CSTF1: variants seen among roughly 807,000 people sequenced by gnomAD.
CSTF1 encodes cleavage stimulation factor subunit 1.
Under a neutral mutation model 40.9 loss-of-function variants are expected in CSTF1, and 2 were observed. The ratio of observed to expected loss-of-function variants is 0.05; its 90% CI spans 0.02 to 0.15. The LOEUF (loss-of-function observed/expected upper bound fraction) is 0.15. CSTF1 is among the 10% of genes least tolerant of loss of function. The pLI is 1.00. For synonymous variants in CSTF1, 218 were observed against 207.2 expected (o/e 1.05, Z -0.45); for missense variants, 279 against 558.9 (o/e 0.50, Z 5.05).
At chr20:56,403,354 T>C (rs996107698) in intron 5 of CSTF1, 114 bp from the exon 6 acceptor site, 12 of 1,214,490 alleles carry the variant, frequency 9.9e-6, no homozygotes, top group African/African-American at 1.5e-5. Context: ...TTTCTGAAAG[T>C]GTACAAGGTG....
chr20:56,402,586 G>T (rs566346568), intron 5 of CSTF1, among the ~76,000 whole-genome samples: 1 of 152,188 alleles, frequency 6.6e-6, no homozygotes, highest in Admixed American at 6.5e-5. Context: ...CTGTACAAAG[G>T]ATGTTCATTA....
intron 2 of CSTF1, among the ~76,000 whole-genome samples, chr20:56,396,468 C>A (rs1420915127): frequency 6.6e-6 from 1 of 152,082 alleles, no homozygotes; most frequent in Admixed American, 6.6e-5. Flanking sequence ...ATTTATTAGC[C>A]AAGATACACT....
chr20:56,406,065 A>G lies in CSTF1; in HGVS notation c.*2338A>G, dbSNP rs1299658407. On this transcript the variant is annotated 3_prime_UTR_variant, in exon 6 of 6. Transcript: ENST00000217109. ...TTCAGGACCTGTTTTTAAAAGATCAAGATACTTTTATGTGTTTCAGAAGTA... is the reference window on the plus strand; with the variant it reads ...TTCAGGACCTGTTTTTAAAAGATCAGGATACTTTTATGTGTTTCAGAAGTA... 2.0e-5 allele frequency: 3 copies of G among 152,332 alleles called. No individual in the cohort carries two copies. The highest frequency in any genetic ancestry group is 3.9e-4 in the East Asian group (2 of 5,192). The allele number at this position is 152,332 out of a possible 1,614,324, so 9.4% of individuals were successfully genotyped here. A position where few individuals can be genotyped will look rare whatever the true frequency, so the allele number is the denominator to read the frequency against.
chr20:56,401,139 TAAA>T (rs1051318258), intron 5 of CSTF1, among the ~76,000 whole-genome samples: 3 of 151,946 alleles, frequency 2.0e-5, no homozygotes, highest in Non-Finnish European at 4.4e-5. Context: ...TGCAAAAAAT[TAAA>T]AACAATATAA....
Position 56,397,277 on chromosome 20 carries a change from G to T in CSTF1, c.240G>T (p.Gly80=). ...GRSDTVAPGT[G]IDLEFDADVQ... ...CAGATACTGTTGCCCCTGGCACAGG[G>T]ATTGACCTGGAATTTGATGCAGATG... Residue 80 remains glycine, a synonymous_variant, in exon 3 of 6, where the codon GGG becomes GGT. Coordinates refer to ENST00000217109, the MANE Select transcript of CSTF1 (RefSeq NM_001324.3). The surrounding 1 kb of genome is among the most constrained non-coding windows in gnomAD (Gnocchi z 4.4). 1.2e-6 allele frequency: 2 copies of T among 1,614,232 alleles called. No individual in the cohort carries two copies. The highest frequency in any genetic ancestry group is 1.7e-6 in the Non-Finnish European group (2 of 1,180,040).
In CSTF1 at chr20:56,399,476, C is replaced by A; in HGVS notation, c.1036+119C>A. On this transcript the variant is annotated intron_variant, in intron 5 of 5. Transcript: ENST00000217109. The surrounding 1 kb of genome is among the most constrained non-coding windows in gnomAD (Gnocchi z 4.6). ...TATGCATTGAGCAAGGCAGATGTTA[C>A]CCTTTCTTAGATAAGAGGAAACCAA... The A allele has an allele frequency of 2.1e-6, 2 of 939,064 alleles. No homozygotes were observed. Among genetic ancestry groups the A allele is most frequent in the South Asian group, 1.7e-5 (1 of 59,120 alleles). 58.2% of individuals were successfully genotyped at this position (939,064 alleles called of 1,614,324 possible).
rs1987539650 is a variant in CSTF1 at position 56,397,134 on chromosome 20, TC to T, written c.170-72del. Reference sequence around the variant, plus strand: ...CTGGTGAGCATCTTTCCAGTTTGGATCTAGAATTTTATCTTGGCCTTTTTAA... The same window carrying T: ...CTGGTGAGCATCTTTCCAGTTTGGATTAGAATTTTATCTTGGCCTTTTTAA... On this transcript the variant is annotated intron_variant, in intron 2 of 5. Coordinates refer to ENST00000217109, the MANE Select transcript of CSTF1 (RefSeq NM_001324.3). The surrounding 1 kb of genome is among the most constrained non-coding windows in gnomAD (Gnocchi z 4.4). The T allele has an allele frequency of 6.7e-7, 1 of 1,498,784 alleles. No homozygotes were observed. Among genetic ancestry groups the T allele is most frequent in the African/African-American group, 1.4e-5 (1 of 71,840 alleles). 92.8% of individuals were successfully genotyped at this position (1,498,784 alleles called of 1,614,324 possible).
At position 56,406,043 on chromosome 20, in the gene CSTF1, A is replaced by G. The variant is rs1978691430; in HGVS notation, c.*2316A>G. 1 of 152,216 alleles carries G rather than the reference A, an allele frequency of 6.6e-6. No homozygotes were observed. The highest frequency in any genetic ancestry group is 2.4e-5 in the African/African-American group (1 of 41,460). The allele number at this position is 152,216 out of a possible 1,614,324, so 9.4% of individuals were successfully genotyped here. A position where few individuals can be genotyped will look rare whatever the true frequency, so the allele number is the denominator to read the frequency against. On this transcript the variant is annotated 3_prime_UTR_variant, in exon 6 of 6. Transcript: ENST00000217109. ...GTCTCAGCAATGGATCTGTAGTTTC[A>G]GGACCTGTTTTTAAAAGATCAAGAT...
Position 56,403,755 on chromosome 20 carries a change from G to T in CSTF1, c.*28G>T. On this transcript the variant is annotated 3_prime_UTR_variant, in exon 6 of 6. Transcript: ENST00000217109. ...CACCCTCTCCGTAGGGTTCTTTCTCGAGGACTCTACCCTCCTCCCCCACGT... is the reference window on the plus strand; with the variant it reads ...CACCCTCTCCGTAGGGTTCTTTCTCTAGGACTCTACCCTCCTCCCCCACGT... The T allele has an allele frequency of 6.3e-7, 1 of 1,589,834 alleles. No homozygotes were observed.
chr20:56,398,870 T>C (rs1569117047), intron 4 of CSTF1, 97 bp from the exon 5 acceptor site: 2 of 1,173,510 alleles, frequency 1.7e-6, no homozygotes, highest in Non-Finnish European at 2.4e-6. Context: ...AATAATTGTT[T>C]TATAGATTCT....
At position 56,397,980 on chromosome 20, in the gene CSTF1, G is replaced by C. The variant is rs1015096617; in HGVS notation, c.645+139G>C. On this transcript the variant is annotated intron_variant, in intron 4 of 5. Coordinates refer to ENST00000217109, the MANE Select transcript of CSTF1 (RefSeq NM_001324.3). The surrounding 1 kb of genome is among the most constrained non-coding windows in gnomAD (Gnocchi z 4.4). ...CCAGGATGCATGCCCGATGGCACAT[G>C]GATCAGATTTTGTTGGCACATAGAT... 3 of 685,698 alleles carry C rather than the reference G, an allele frequency of 4.4e-6. No individual in the cohort carries two copies. The highest frequency in any genetic ancestry group is 4.1e-4 in the Middle Eastern group (1 of 2,464). 42.5% of individuals were successfully genotyped at this position (685,698 alleles called of 1,614,324 possible). A position where few individuals can be genotyped will look rare whatever the true frequency, so the allele number is the denominator to read the frequency against.
In CSTF1 at chr20:56,395,645, C is replaced by T; in HGVS notation, c.93C>T (p.Ala31=). ...QLLYDGYISI[A]NGLINEIKPQ... is the part of the protein sequence containing the mutation. The stretch of plus-strand genomic sequence containing the variant: ...TATATGACGGCTACATCAGCATCGC[C>T]AATGGCCTCATCAATGAAATCAAGC... Residue 31 remains alanine, a synonymous_variant, in exon 2 of 6, where the codon GCC becomes GCT. Coordinates refer to ENST00000217109, the MANE Select transcript of CSTF1 (RefSeq NM_001324.3). 1 of 1,614,198 alleles carries T rather than the reference C, an allele frequency of 6.2e-7. No homozygotes were observed. The highest frequency in any genetic ancestry group is 2.2e-5 in the East Asian group (1 of 44,894).
intron 4 of CSTF1, 31 bp from the exon 5 acceptor site, chr20:56,398,936 G>A (rs1978339117): frequency 1.3e-6 from 2 of 1,541,588 alleles, no homozygotes; most frequent in Non-Finnish European, 1.7e-6. Context: ...TCACCAGTTG[G>A]TCACTTGTAT....
rs772013444 is a variant in CSTF1, at chr20:56,405,712, G to C, written c.*1985G>C. 3 of 152,104 alleles carry C rather than the reference G, an allele frequency of 2.0e-5. No homozygotes were observed. Among genetic ancestry groups the C allele is most frequent in the Non-Finnish European group, 4.4e-5 (3 of 68,030 alleles). 9.4% of individuals were successfully genotyped at this position (152,104 alleles called of 1,614,324 possible). ...CAGTGTGAATTTCCAGTTGTACTTT[G>C]CATTCTGATTCTTTGATATTTGAAC... On this transcript the variant is annotated 3_prime_UTR_variant, in exon 6 of 6. Coordinates refer to ENST00000217109, the MANE Select transcript of CSTF1 (RefSeq NM_001324.3).
intron 1 of CSTF1, 100 bp from the exon 2 acceptor site, chr20:56,395,421 A>T (rs1987488706): frequency 1.4e-6 from 1 of 691,882 alleles, no homozygotes; most frequent in Admixed American, 3.1e-5. Flanking sequence ...TAGAGATGGG[A>T]TTTGAGTCCT....
rs1569122682 is a variant in CSTF1 at position 56,404,453 on chromosome 20, G to C, written c.*726G>C. On this transcript the variant is annotated 3_prime_UTR_variant, in exon 6 of 6. Coordinates refer to ENST00000217109, the MANE Select transcript of CSTF1 (RefSeq NM_001324.3). ...AATATATCCGATCTAATTAAATTAG[G>C]TCAGCCTGCTATTGCTCTCAGGTGT... 6.6e-6 allele frequency: 1 copy of C among 152,058 alleles called. No homozygotes were observed. The highest frequency in any genetic ancestry group is 1.9e-4 in the East Asian group (1 of 5,184). The allele number at this position is 152,058 out of a possible 1,614,324, so 9.4% of individuals were successfully genotyped here. A position where few individuals can be genotyped will look rare whatever the true frequency, so the allele number is the denominator to read the frequency against.
chr20:56,405,159 A>AGT lies in CSTF1; in HGVS notation c.*1433_*1434dup, dbSNP rs933454395. ...TTGATAAAAATAGTAAATAGATTGA[A>AGT]GTAAAAGTCATTGCTTTATATTATA... is the stretch of plus-strand genomic sequence containing the variant. On this transcript the variant is annotated 3_prime_UTR_variant, in exon 6 of 6. Coordinates refer to ENST00000217109, the MANE Select transcript of CSTF1 (RefSeq NM_001324.3). 6.6e-6 allele frequency: 1 copy of AGT among 152,132 alleles called. No homozygotes were observed. The highest frequency in any genetic ancestry group is 1.5e-5 in the Non-Finnish European group (1 of 68,010). The allele number at this position is 152,132 out of a possible 1,614,324, so 9.4% of individuals were successfully genotyped here.
chr20:56,403,469 C>T lies in CSTF1; in HGVS notation c.1038C>T (p.Gly346=), dbSNP rs761335704. ...TATCCCTCTTGCTCTCTGTGGCAGG[C>T]GCGGGTTTAAGTGGACGCCAGGTGC... is the stretch of plus-strand genomic sequence containing the variant. ...STGRTLVRYT[G]AGLSGRQVHR... The change falls in exon 6 of 6, where the codon GGC becomes GGT. Residue 346 remains glycine (G), a splice_region_variant and synonymous_variant. Transcript: ENST00000217109. 19 of 1,613,716 alleles carry T rather than the reference C, an allele frequency of 1.2e-5. No homozygotes were observed. The highest frequency in any genetic ancestry group is 1.4e-5 in the Non-Finnish European group (17 of 1,179,910).
chr20:56,393,130 A>ATG (rs879898831), intron 1 of CSTF1, among the ~76,000 whole-genome samples: 1 of 134,718 alleles, frequency 7.4e-6, no homozygotes, highest in South Asian at 2.4e-4. Context: ...ATATATATAT[A>ATG]TACACACACA....
Sources: gnomAD v4.1 joint callset for allele counts (sites outside exome capture counted in the v4.1 genomes callset) on GRCh38, gnomAD v4.1.1 for gene constraint, Gnocchi (gnomAD v3.1) non-coding constraint, MANE v1.5 for transcripts, NCBI Gene and HGNC (gene_info 2026-07-23, HGNC 2026-07-21) for gene names.